ABAT: variants seen among roughly 807,000 people sequenced by gnomAD.
ABAT encodes 4-aminobutyrate aminotransferase, also known as 4-aminobutyrate aminotransferase, mitochondrial.
A neutral mutation model predicts 64.6 loss-of-function variants in ABAT; 45 were observed. The ratio of observed to expected loss-of-function variants is 0.70; its 90% confidence interval spans 0.55 to 0.89. ABAT has a LOEUF of 0.89. ABAT is among the 40% of genes least tolerant of loss of function. The pLI is 0.00. For synonymous variants in ABAT, 297 were observed against 250.5 expected (o/e 1.19, Z -1.75); for missense variants, 633 against 658.4 (o/e 0.96, Z 0.42).
intron 5 of ABAT, among the ~76,000 whole-genome samples, 193 bp downstream of exon 5, chr16:8,750,732 T>C (rs538654822): frequency 6.6e-6 from 1 of 152,292 alleles, no homozygotes; most frequent in East Asian, 1.9e-4. Context: ...TCCTCTCTCA[T>C]CTACTCCTTC....
chr16:8,731,274 A>G (rs997743458), intron 1 of ABAT: 5 of 152,142 alleles, frequency 3.3e-5, no homozygotes, highest in African/African-American at 1.2e-4. Flanking sequence ...AAGAGAAACT[A>G]TTTCTTAGCC....
chr16:8,730,141 A>G (rs1224666858), intron 1 of ABAT, among the ~76,000 whole-genome samples: 1 of 152,128 alleles, frequency 6.6e-6, no homozygotes, highest in East Asian at 1.9e-4. Context: ...AGATGGTTCT[A>G]CAGCACCAGC....
At chr16:8,737,211 G>T (rs1301939645) in intron 2 of ABAT, 1 of 152,292 alleles carries the variant, frequency 6.6e-6, no homozygotes, top group Non-Finnish European at 1.5e-5. Context: ...GGGCGCAGTG[G>T]CTCACAACTG....
chr16:8,733,431 G>T (rs549099869), intron 1 of ABAT, among the ~76,000 whole-genome samples: 1 of 151,830 alleles, frequency 6.6e-6, no homozygotes, highest in Admixed American at 6.5e-5. Context: ...AGACGGGGTG[G>T]CGGCCGGGCA....
intron 2 of ABAT, among the ~76,000 whole-genome samples, chr16:8,741,655 G>A (rs952905307): frequency 1.3e-5 from 2 of 152,098 alleles, no homozygotes; most frequent in Admixed American, 6.5e-5. Context: ...TTCAATTTTT[G>A]TTCTGTTCTC....
chr16:8,750,617 T>C (rs1045712549), intron 5 of ABAT, 78 bp downstream of exon 5: 1 of 1,347,588 alleles, frequency 7.4e-7, no homozygotes, highest in Admixed American at 1.7e-5. Context: ...GGTATTAGGA[T>C]GTGGCTTCCA....
intron 1 of ABAT, among the ~76,000 whole-genome samples, chr16:8,688,853 G>A (rs2057516490): frequency 6.6e-6 from 1 of 152,208 alleles, no homozygotes. Flanking sequence ...CAAGGCAGGT[G>A]GATCACGAGG....
intron 1 of ABAT, among the ~76,000 whole-genome samples, chr16:8,724,678 G>A (rs79817298): frequency 0.027 from 3,752 of 137,278 alleles, 91 homozygotes; most frequent in Middle Eastern, 0.076. Context: ...AGAGGTTGCT[G>A]AGATGGCACC....
Position 8,692,157 on chromosome 16 carries a change from G to A in ABAT, c.-42+17446G>A, listed in dbSNP as rs552424400. Among the ~76,000 whole-genome samples the A allele has an allele frequency of 1.2e-4, 18 of 152,200 alleles. 1 individual carries two copies. The highest frequency in any genetic ancestry group is 4.2e-4 in the South Asian group (2 of 4,814). Reference sequence around the variant, plus strand: ...GAACTTTGGGACGCCAAGGTGGGAGGATCACTTAAGGCCAGGAGTTAGAGA... The same window carrying A: ...GAACTTTGGGACGCCAAGGTGGGAGAATCACTTAAGGCCAGGAGTTAGAGA... On this transcript the variant is annotated intron_variant, in intron 1 of 15. Coordinates refer to ENST00000268251, the MANE Select transcript of ABAT (RefSeq NM_020686.6).
chr16:8,745,726 AAAGC>A, intron 2 of ABAT, among the ~76,000 whole-genome samples: 1 of 152,148 alleles, frequency 6.6e-6, no homozygotes, highest in Admixed American at 6.5e-5. Flanking sequence ...AAATACAAAG[AAAGC>A]TGGCATCAGC....
intron 5 of ABAT, among the ~76,000 whole-genome samples, chr16:8,754,661 GATTT>G (rs140099713): frequency 0.051 from 864 of 16,810 alleles, 10 homozygotes; most frequent in African/African-American, 0.063. Flanking sequence ...TCAGCAAGTT[GATTT>G]ATTTATTTCT....
intron 1 of ABAT, among the ~76,000 whole-genome samples, chr16:8,723,890 G>C (rs1374579804): frequency 3.7e-5 from 5 of 133,852 alleles, no homozygotes; most frequent in Non-Finnish European, 6.1e-5. Context: ...GCCCAGGCTG[G>C]AGTGCAGTGG....
rs570586817 is a variant in ABAT at position 8,747,179 on chromosome 16, C to T, written c.169-929C>T. The stretch of plus-strand genomic sequence containing the variant: ...CTTGCCTTAAGTCCAGAGTCAAGGG[C>T]TGGGGTACAACATCCAAACAACAGT... On this transcript the variant is annotated intron_variant, in intron 3 of 15. Transcript: ENST00000268251. Among the ~76,000 whole-genome samples the T allele has an allele frequency of 5.9e-5, 9 of 152,302 alleles. No individual in the cohort carries two copies. In the South Asian group the frequency reaches 1.9e-3, roughly 32 times the overall value.
At chr16:8,773,105 TAC>T (rs35248639) in intron 12 of ABAT, among the ~76,000 whole-genome samples, 188 bp downstream of exon 12, 2,676 of 108,972 alleles carry the variant, frequency 0.025, 40 homozygotes, top group Middle Eastern at 0.042. Context: ...CCTAAAACTA[TAC>T]ACACACACAC....
chr16:8,779,708 C>G, intron 15 of ABAT, 118 bp downstream of exon 15: 1 of 774,996 alleles, frequency 1.3e-6, no homozygotes, highest in Non-Finnish European at 2.2e-6. Flanking sequence ...GTACACAGGT[C>G]TGAAAAGAGC....
At chr16:8,775,267 C>CTTTTCCTG (rs113884025) in intron 13 of ABAT, among the ~76,000 whole-genome samples, 74,552 of 150,726 alleles carry the variant, frequency 0.49, 18,440 homozygotes, top group Admixed American at 0.56. Flanking sequence ...CACCATCAGC[C>CTTTTCCTG]TTTTCCTGTT....
intron 9 of ABAT, 110 bp downstream of exon 9, chr16:8,766,380 C>T (rs901742097): frequency 1.8e-5 from 19 of 1,057,470 alleles, no homozygotes; most frequent in East Asian, 1.6e-4. Context: ...CCAGGCCAGG[C>T]GCGGTGGCTC....
chr16:8,766,061 G>T (rs538500280), intron 8 of ABAT, 147 bp from the exon 9 acceptor site: 4 of 748,730 alleles, frequency 5.3e-6, no homozygotes, highest in Non-Finnish European at 9.4e-6. Flanking sequence ...TCACGTTTCA[G>T]TACAGACCTG....
At chr16:8,735,262 T>G (rs2058885508) in intron 1 of ABAT, among the ~76,000 whole-genome samples, 1 of 150,996 alleles carries the variant, frequency 6.6e-6, no homozygotes, top group Admixed American at 6.6e-5. Flanking sequence ...TTTGGTTTGG[T>G]TTTTTTTGAG....
Sources: gnomAD v4.1 joint callset for allele counts (sites outside exome capture counted in the v4.1 genomes callset) on GRCh38, gnomAD v4.1.1 for gene constraint, MANE v1.5 for transcripts, NCBI Gene and HGNC (gene_info 2026-07-23, HGNC 2026-07-21) for gene names.